ZFAND3: variants seen among roughly 807,000 people sequenced by gnomAD.
ZFAND3 encodes AN1-type zinc finger protein 3.
ZFAND3 carries 10 observed loss-of-function variants against 29.6 expected under a neutral mutation model. The observed-to-expected ratio is 0.34, with a 90% CI of 0.21 to 0.57. ZFAND3 has a LOEUF of 0.57. Among genes scored for constraint, ZFAND3 ranks in the 20% least tolerant of loss-of-function variants. ZFAND3 has a pLI of 0.86. For missense variants in ZFAND3, 230 were observed against 304.5 expected, an observed-to-expected ratio of 0.76 and a Z score of 1.82; for synonymous variants, 128 against 112.6, an observed-to-expected ratio of 1.14 and a Z score of -0.87.
chr6:38,147,555 T>G (rs2127498107), intron 5 of ZFAND3, among the ~76,000 whole-genome samples: 1 of 152,326 alleles, frequency 6.6e-6, no homozygotes, highest in Non-Finnish European at 1.5e-5. Context: ...TTTGAGAAAT[T>G]TCCATAGCGG....
Position 37,969,065 on chromosome 6 carries a change from C to T in ZFAND3, c.112+39066C>T, listed in dbSNP as rs966339578. ...GGTATAGGCTATTGCTCCTAGTCTACAAACCTGTGCAGCATGTGACTGTAC... is the reference window on the plus strand; with the variant it reads ...GGTATAGGCTATTGCTCCTAGTCTATAAACCTGTGCAGCATGTGACTGTAC... On this transcript the variant is annotated intron_variant, in intron 2 of 5. Transcript: ENST00000287218. Among the ~76,000 whole-genome samples, 3 of 152,298 alleles carry T rather than the reference C, an allele frequency of 2.0e-5. No homozygotes were observed. In the East Asian group the frequency reaches 5.8e-4, roughly 29 times the overall value.
chr6:37,958,103 C>A (rs1561946775), intron 2 of ZFAND3, among the ~76,000 whole-genome samples: 1 of 151,956 alleles, frequency 6.6e-6, no homozygotes, highest in African/African-American at 2.4e-5. Context: ...TGTCTTTATT[C>A]TTTAGTGGTG....
intron 2 of ZFAND3, among the ~76,000 whole-genome samples, chr6:37,982,422 G>T (rs1762595815): frequency 6.6e-6 from 1 of 152,120 alleles, no homozygotes; most frequent in South Asian, 2.1e-4. Flanking sequence ...GCCTTCTAGA[G>T]GGTGAAAGAT....
At chr6:37,953,616 A>AT (rs958324365) in intron 2 of ZFAND3, among the ~76,000 whole-genome samples, 32 of 149,728 alleles carry the variant, frequency 2.1e-4, no homozygotes, top group South Asian at 1.1e-3. Context: ...ACACCTGGCT[A>AT]TTTTTTTTTA....
chr6:38,008,914 C>A (rs961240501), intron 2 of ZFAND3, among the ~76,000 whole-genome samples: 5 of 151,850 alleles, frequency 3.3e-5, no homozygotes, highest in African/African-American at 9.7e-5. Flanking sequence ...AATATATAAT[C>A]ATTCCTTTTA....
At chr6:37,855,072 A>T (rs756129448) in intron 1 of ZFAND3, among the ~76,000 whole-genome samples, 5 of 139,866 alleles carry the variant, frequency 3.6e-5, no homozygotes, top group Admixed American at 1.6e-4. Context: ...ATCCCCTCTG[A>T]TATCAACAAA....
intron 1 of ZFAND3, among the ~76,000 whole-genome samples, chr6:37,907,523 T>C (rs1765430937): frequency 6.6e-6 from 1 of 152,196 alleles, no homozygotes; most frequent in Non-Finnish European, 1.5e-5. Context: ...CTGAACGTGT[T>C]TTTGTGGTTC....
chr6:38,032,955 AT>A (rs1243705759), intron 2 of ZFAND3, among the ~76,000 whole-genome samples: 1 of 152,214 alleles, frequency 6.6e-6, no homozygotes, highest in African/African-American at 2.4e-5. Context: ...GCTACTCTGT[AT>A]AAGACCCAAG....
chr6:38,149,749 C>T (rs138575813), intron 5 of ZFAND3, among the ~76,000 whole-genome samples: 11 of 152,172 alleles, frequency 7.2e-5, no homozygotes, highest in Non-Finnish European at 1.5e-4. Flanking sequence ...CCATCTTTGA[C>T]TAATGAGGTG....
chr6:37,952,864 T>C (rs1032493547), intron 2 of ZFAND3, among the ~76,000 whole-genome samples: 2 of 151,690 alleles, frequency 1.3e-5, no homozygotes, highest in African/African-American at 4.8e-5. Context: ...GGTGACTTTC[T>C]TCTGCAGATC....
rs1312738097 is a variant in ZFAND3 at position 38,123,197 on chromosome 6, T to G, written c.529+6458T>G. On this transcript the variant is annotated intron_variant, in intron 5 of 5. Coordinates refer to ENST00000287218, the MANE Select transcript of ZFAND3 (RefSeq NM_021943.3). ...GATTGAGTCAAAAGGAATATGCATG[T>G]GTCACAACTGTTGCTGCCATTGCAG... Among the ~76,000 whole-genome samples, 4 of 152,236 alleles carry G rather than the reference T, an allele frequency of 2.6e-5. No individual in the cohort carries two copies. In the East Asian group the frequency reaches 7.7e-4, roughly 29 times the overall value.
intron 3 of ZFAND3, among the ~76,000 whole-genome samples, chr6:38,075,865 C>T (rs1764543937): frequency 6.6e-6 from 1 of 152,158 alleles, no homozygotes; most frequent in Admixed American, 6.5e-5. Flanking sequence ...CATTCTCCTG[C>T]CTCAGCCTCC....
intron 2 of ZFAND3, among the ~76,000 whole-genome samples, chr6:38,033,609 A>G (rs1763604531): frequency 6.6e-6 from 1 of 152,054 alleles, no homozygotes; most frequent in Non-Finnish European, 1.5e-5. Flanking sequence ...CTTTCCATTT[A>G]CTCATTTCTC....
chr6:38,081,974 C>T (rs1346582266), intron 3 of ZFAND3, among the ~76,000 whole-genome samples: 1 of 152,040 alleles, frequency 6.6e-6, no homozygotes, highest in African/African-American at 2.4e-5. Context: ...TCAGTAAATT[C>T]CAAGGTAGAG....
Position 38,153,326 on chromosome 6 carries a change from TGGGGAAGCTGCC to T in ZFAND3, c.*939_*950del. The T allele has an allele frequency of 2.0e-6, 2 of 985,492 alleles. No individual in the cohort carries two copies. The highest frequency in any genetic ancestry group is 2.4e-6 in the Non-Finnish European group (2 of 829,954). The allele number at this position is 985,492 out of a possible 1,614,324, so 61.0% of individuals were successfully genotyped here. On this transcript the variant is annotated 3_prime_UTR_variant, in exon 6 of 6. Transcript: ENST00000287218. ...CAGTAGAAGTGCTGGGAGCAGCAGCTGGGGAAGCTGCCGCCCACGGGCTCTGCCCCTTCCAGC... is the reference window on the plus strand; with the variant it reads ...CAGTAGAAGTGCTGGGAGCAGCAGCTGCCCACGGGCTCTGCCCCTTCCAGC...
intron 1 of ZFAND3, among the ~76,000 whole-genome samples, chr6:37,909,428 C>T (rs572967994): frequency 1.3e-5 from 2 of 151,646 alleles, no homozygotes; most frequent in East Asian, 1.9e-4. Flanking sequence ...TACAGATGTG[C>T]GCCACCATGC....
chr6:37,912,030 CTGTGTGTGTGTGTGTGTGTGTGTG>C (rs59017250), intron 1 of ZFAND3, among the ~76,000 whole-genome samples: 2 of 139,706 alleles, frequency 1.4e-5, no homozygotes, highest in South Asian at 2.4e-4. Flanking sequence ...AGTCTTTTAT[CTGTGTGTGTGTGTGTGTGTGTGTG>C]TGTGTGTGTG....
At chr6:37,961,226 TG>T (rs1762190334) in intron 2 of ZFAND3, among the ~76,000 whole-genome samples, 1 of 152,182 alleles carries the variant, frequency 6.6e-6, no homozygotes, top group African/African-American at 2.4e-5. Context: ...GTACTCCCTG[TG>T]GGCCTGAGGT....
intron 2 of ZFAND3, among the ~76,000 whole-genome samples, chr6:38,002,077 C>T (rs942702926): frequency 3.9e-5 from 6 of 152,090 alleles, no homozygotes; most frequent in African/African-American, 7.2e-5. Context: ...TTCAATAAAA[C>T]GGCTGAATTA....
Sources: gnomAD v4.1 joint callset for allele counts (sites outside exome capture counted in the v4.1 genomes callset) on GRCh38, gnomAD v4.1.1 for gene constraint, MANE v1.5 for transcripts, NCBI Gene and HGNC (gene_info 2026-07-23, HGNC 2026-07-21) for gene names.